PTPN4: variants seen among roughly 807,000 people sequenced by gnomAD.
PTPN4 encodes the protein tyrosine-protein phosphatase non-receptor type 4.
In PTPN4, 49 loss-of-function variants were observed where a neutral mutation model predicts 135.5. The ratio of observed to expected loss-of-function variants is 0.36; its 90% CI spans 0.29 to 0.46. The LOEUF is 0.46. Ranked by LOEUF, PTPN4 falls within the 20% of genes least tolerant of loss-of-function variation. The pLI is 1.00. For missense variants in PTPN4, 860 were observed against 1,101.0 expected (o/e 0.78, Z 3.10); for synonymous variants, 333 against 369.9 (o/e 0.90, Z 1.14).
intron 11 of PTPN4, among the ~76,000 whole-genome samples, chr2:119,918,944 A>G (rs1265021149): frequency 5.9e-5 from 9 of 152,250 alleles, no homozygotes; most frequent in African/African-American, 2.2e-4. Flanking sequence ...CAGAAACATA[A>G]TGCTGAACAA....
chr2:119,877,570 A>G, intron 5 of PTPN4, 28 bp downstream of exon 5: 1 of 1,561,014 alleles, frequency 6.4e-7, no homozygotes, highest in Non-Finnish European at 8.6e-7. Flanking sequence ...TTTTTCTTGA[A>G]AATATTGTCA....
intron 12 of PTPN4, among the ~76,000 whole-genome samples, chr2:119,925,174 C>A (rs1003535227): frequency 6.6e-6 from 1 of 152,160 alleles, no homozygotes; most frequent in Admixed American, 6.5e-5. Flanking sequence ...TCTCACTATA[C>A]CCTATCCCCA....
chr2:119,778,115 A>G (rs1402748065), intron 1 of PTPN4, among the ~76,000 whole-genome samples: 2 of 152,190 alleles, frequency 1.3e-5, no homozygotes, highest in African/African-American at 2.4e-5. Flanking sequence ...CACATACACT[A>G]TAAGACTGCC....
At chr2:119,854,078 G>A (rs1334679476) in intron 2 of PTPN4, among the ~76,000 whole-genome samples, 1 of 152,042 alleles carries the variant, frequency 6.6e-6, no homozygotes, top group Non-Finnish European at 1.5e-5. Context: ...TTTGCATAGG[G>A]CTCAGGGCAT....
At chr2:119,869,653 C>G (rs936779884) in intron 3 of PTPN4, among the ~76,000 whole-genome samples, 1 of 152,118 alleles carries the variant, frequency 6.6e-6, no homozygotes, top group Non-Finnish European at 1.5e-5. Context: ...TGAACTTGCC[C>G]GTAGGCAAAG....
intron 11 of PTPN4, among the ~76,000 whole-genome samples, chr2:119,917,181 A>G (rs181973416): frequency 1.8e-4 from 27 of 152,320 alleles, no homozygotes; most frequent in Admixed American, 1.6e-3. Context: ...TGTGCCTGGT[A>G]AAAGACCAGT....
intron 2 of PTPN4, among the ~76,000 whole-genome samples, chr2:119,827,074 TTTC>T (rs1487159735): frequency 9.2e-5 from 14 of 152,134 alleles, no homozygotes; most frequent in African/African-American, 2.9e-4. Context: ...TAACTAGGCG[TTTC>T]TTCTTCAGAA....
chr2:119,809,419 G>A (rs186859622), intron 1 of PTPN4, among the ~76,000 whole-genome samples: 2 of 151,510 alleles, frequency 1.3e-5, no homozygotes, highest in African/African-American at 2.4e-5. Flanking sequence ...TTTAAAAAAG[G>A]GAAGGGCCTG....
chr2:119,760,234 C>T lies in PTPN4; in HGVS notation c.-168C>T. On this transcript the variant is annotated 5_prime_UTR_variant, in exon 1 of 27. Transcript: ENST00000263708. ...CAGCATGAGGTGGTGCTGGCGGCTC[C>T]GGGTCGTGGCGCGACCGCTGCGGCG... 2.5e-6 allele frequency: 1 copy of T among 396,576 alleles called. No homozygotes were observed. The highest frequency in any genetic ancestry group is 4.4e-5 in the Admixed American group (1 of 22,664). The allele number at this position is 396,576 out of a possible 1,614,324, so 24.6% of individuals were successfully genotyped here. A position where few individuals can be genotyped will look rare whatever the true frequency, so the allele number is the denominator to read the frequency against.
chr2:119,903,248 G>A (rs957983107), intron 10 of PTPN4, among the ~76,000 whole-genome samples: 4 of 152,120 alleles, frequency 2.6e-5, no homozygotes, highest in African/African-American at 9.7e-5. Flanking sequence ...CCGGCAGCAA[G>A]ACCACTGTAC....
At chr2:119,940,358 A>C (rs1253789075) in intron 15 of PTPN4, among the ~76,000 whole-genome samples, 3 of 152,224 alleles carry the variant, frequency 2.0e-5, no homozygotes, top group African/African-American at 7.2e-5. Context: ...ATATAAGTAG[A>C]GTATAAGTTG....
At chr2:119,902,558 G>A (rs933191023) in intron 10 of PTPN4, among the ~76,000 whole-genome samples, 1 of 152,142 alleles carries the variant, frequency 6.6e-6, no homozygotes, top group African/African-American at 2.4e-5. Flanking sequence ...CCACAAAGAA[G>A]GACCAGATCA....
At chr2:119,813,091 A>C (rs889669726) in intron 2 of PTPN4, among the ~76,000 whole-genome samples, 19 of 152,298 alleles carry the variant, frequency 1.2e-4, no homozygotes, top group African/African-American at 3.4e-4. Context: ...ATTATGTATC[A>C]GTCCTCGGCT....
chr2:119,898,667 A>G (rs1315866618), intron 9 of PTPN4, among the ~76,000 whole-genome samples: 5 of 152,206 alleles, frequency 3.3e-5, no homozygotes. Flanking sequence ...GAAGAAAAGC[A>G]AAATAAGGTA....
At chr2:119,852,461 CG>C (rs1293067189) in intron 2 of PTPN4, among the ~76,000 whole-genome samples, 1 of 152,180 alleles carries the variant, frequency 6.6e-6, no homozygotes, top group African/African-American at 2.4e-5. Context: ...TGTTTAGGTG[CG>C]GGTTTCTTTT....
Position 119,955,222 on chromosome 2 carries a change from G to T in PTPN4, c.1879G>T (p.Ala627Ser). 1.2e-6 allele frequency: 2 copies of T among 1,613,276 alleles called. No homozygotes were observed. Among genetic ancestry groups the T allele is most frequent in the Non-Finnish European group, 1.7e-6 (2 of 1,179,710 alleles). ...EPDFQYIPEK[A>S]PLDSVHQDDH... is the part of the protein sequence containing the mutation. ...AGATTTCCAGTATATTCCTGAGAAA[G>T]CCCCACTAGATAGTGTGCATCAGGA... The change falls in exon 20 of 27, where the codon GCC becomes TCC. Residue 627 changes from alanine (A) to serine (S), a missense_variant. Around this residue, in one of 2 missense-constraint regions of PTPN4, gnomAD observed 684 missense variants for 807.0 expected, o/e 0.85. Coordinates refer to ENST00000263708, the MANE Select transcript of PTPN4 (RefSeq NM_002830.4).
chr2:119,856,429 G>A (rs1448851780), intron 2 of PTPN4, among the ~76,000 whole-genome samples: 2 of 152,190 alleles, frequency 1.3e-5, no homozygotes, highest in African/African-American at 4.8e-5. Flanking sequence ...TGGCACTGGG[G>A]GAAGAGTGTT....
At chr2:119,845,055 G>A (rs1030200896) in intron 2 of PTPN4, among the ~76,000 whole-genome samples, 5 of 149,170 alleles carry the variant, frequency 3.4e-5, no homozygotes, top group African/African-American at 5.0e-5. Context: ...GCTGGAGACC[G>A]GCCCGGCCAA....
In PTPN4 at chr2:119,919,178, TG is replaced by T. The variant is rs1384268792; in HGVS notation, c.829-890del. ...GTATTTATTGTGTGAAAATCAGAGC[TG>T]TGCAATTATGGGATGTGAATGTTGC... On this transcript the variant is annotated intron_variant, in intron 11 of 26. Transcript: ENST00000263708. Among the ~76,000 whole-genome samples the T allele has an allele frequency of 3.9e-5, 6 of 152,354 alleles. 1 individual carries two copies. In the East Asian group the frequency reaches 7.7e-4, roughly 20 times the overall value.
Sources: allele counts gnomAD v4.1 joint callset (sites outside exome capture counted in the v4.1 genomes callset), GRCh38; gene constraint gnomAD v4.1.1; regional missense constraint gnomAD v4.1.1; transcripts MANE v1.5; gene names NCBI Gene and HGNC (gene_info 2026-07-23, HGNC 2026-07-21).